The following ETV6 variants were observed in gnomAD, a reference collection of about 807,000 sequenced individuals.
The protein encoded by ETV6 is ETS variant transcription factor 6, also known as transcription factor ETV6.
In ETV6, 16 loss-of-function variants were observed where a neutral mutation model predicts 51.1. That is an observed-to-expected ratio of 0.31 (90% confidence interval 0.21 to 0.48). The LOEUF is 0.48. Ranked by LOEUF, ETV6 falls within the 20% of genes least tolerant of loss-of-function variation. The probability of loss-of-function intolerance (pLI) is 0.99; values close to 1 mark genes in which losing one functional copy is unlikely to be tolerated. For synonymous variants in ETV6, 240 were observed against 224.1 expected, an observed-to-expected ratio of 1.07 and a Z score of -0.64; for missense variants, 458 against 594.8, an observed-to-expected ratio of 0.77 and a Z score of 2.39.
Position 11,895,296 on chromosome 12 carries a change from AAAAC to A in ETV6, c.*4254_*4257del, listed in dbSNP as rs1290529533. On this transcript the variant is annotated 3_prime_UTR_variant, in exon 8 of 8. Transcript: ENST00000396373. Reference sequence around the variant, plus strand: ...AATGAATGTAACAAAAAAGAAAAAAAAAACAAAAAAAAATGCCTTTTCTCAGGGC... The same window carrying A: ...AATGAATGTAACAAAAAAGAAAAAAAAAAAAAAAATGCCTTTTCTCAGGGC... 1.1e-4 allele frequency: 25 copies of A among 232,612 alleles called. No individual in the cohort carries two copies. In the Admixed American group the frequency reaches 1.1e-3, roughly 11 times the overall value. The allele number at this position is 232,612 out of a possible 1,614,324, so 14.4% of individuals were successfully genotyped here. A position where few individuals can be genotyped will look rare whatever the true frequency, so the allele number is the denominator to read the frequency against.
chr12:11,804,425 C>T (rs1945797638), intron 2 of ETV6, among the ~76,000 whole-genome samples: 1 of 152,220 alleles, frequency 6.6e-6, no homozygotes, highest in Non-Finnish European at 1.5e-5. Flanking sequence ...CACCCTCATC[C>T]TCCATCACCT....
intron 2 of ETV6, among the ~76,000 whole-genome samples, chr12:11,777,569 G>A (rs1945348860): frequency 6.6e-6 from 1 of 151,938 alleles, no homozygotes; most frequent in Non-Finnish European, 1.5e-5. Context: ...GCAAATCTGG[G>A]CGTGCATTTT....
At position 11,874,732 on chromosome 12, in the gene ETV6, A is replaced by G. The variant is rs11612568; in HGVS notation, c.1009+4763A>G. Among the ~76,000 whole-genome samples, 607 of 150,400 alleles carry G rather than the reference A, an allele frequency of 4.0e-3. 12 individuals carry two copies. Among genetic ancestry groups the G allele is most frequent in the African/African-American group, 0.014 (584 of 41,006 alleles). On this transcript the variant is annotated intron_variant, in intron 5 of 7. Coordinates refer to ENST00000396373, the MANE Select transcript of ETV6 (RefSeq NM_001987.5). Reference sequence around the variant, plus strand: ...TATGTATATGTGTATATATATGTGTATATATATATGAAATTTTTCATAAAT... The same window carrying G: ...TATGTATATGTGTATATATATGTGTGTATATATATGAAATTTTTCATAAAT...
In ETV6 at chr12:11,752,491, G is replaced by A. The variant is rs776389717; in HGVS notation, c.75G>A (p.Pro25=). ...ATACACCTCCAGAGAGCCCAGTGCC[G>A]AGTTACGCTTCCTCGACGCCACTTC... is the stretch of plus-strand genomic sequence containing the variant. The part of the protein sequence containing the change: ...ISYTPPESPV[P]SYASSTPLHV... The change falls in exon 2 of 8, where the codon CCG becomes CCA. Residue 25 remains proline (P), a synonymous_variant. Coordinates refer to ENST00000396373, the MANE Select transcript of ETV6 (RefSeq NM_001987.5). 7.4e-6 allele frequency: 12 copies of A among 1,613,902 alleles called. No homozygotes were observed. The highest frequency in any genetic ancestry group is 1.6e-4 in the Middle Eastern group (1 of 6,062).
intron 1 of ETV6, among the ~76,000 whole-genome samples, chr12:11,698,608 T>A (rs1336385340): frequency 6.6e-6 from 1 of 150,510 alleles, no homozygotes; most frequent in Non-Finnish European, 1.5e-5. Flanking sequence ...CTTCAACAAC[T>A]AGCAAGGGAG....
chr12:11,770,931 TG>T (rs1356650075), intron 2 of ETV6, among the ~76,000 whole-genome samples: 1 of 152,076 alleles, frequency 6.6e-6, no homozygotes, highest in East Asian at 1.9e-4. Flanking sequence ...GCCTATGCAA[TG>T]GCTCTGAGGC....
intron 1 of ETV6, among the ~76,000 whole-genome samples, chr12:11,668,274 A>T (rs958029548): frequency 6.6e-6 from 1 of 152,232 alleles, no homozygotes; most frequent in Non-Finnish European, 1.5e-5. Flanking sequence ...TAAGAATGCA[A>T]TAACAAGTGC....
At chr12:11,813,518 T>A (rs1441061549) in intron 2 of ETV6, among the ~76,000 whole-genome samples, 1 of 152,204 alleles carries the variant, frequency 6.6e-6, no homozygotes, top group Non-Finnish European at 1.5e-5. Context: ...AGATTTCATG[T>A]TCTAATGAAA....
chr12:11,794,210 C>T (rs1945644250), intron 2 of ETV6, among the ~76,000 whole-genome samples: 1 of 152,152 alleles, frequency 6.6e-6, no homozygotes, highest in African/African-American at 2.4e-5. Flanking sequence ...TTAGTGTGGG[C>T]GTGAGGATAG....
intron 2 of ETV6, among the ~76,000 whole-genome samples, chr12:11,763,548 A>G (rs1221307410): frequency 6.6e-6 from 1 of 152,252 alleles, no homozygotes; most frequent in Admixed American, 6.5e-5. Context: ...TTTGGACCTT[A>G]TGAAAGAAAA....
Position 11,697,399 on chromosome 12 carries a change from A to G in ETV6, c.33+47239A>G, listed in dbSNP as rs11054418. Among the ~76,000 whole-genome samples the G allele has an allele frequency of 3.8e-3, 579 of 152,350 alleles. 3 individuals are homozygous for G. Among genetic ancestry groups the G allele is most frequent in the East Asian group, 0.011 (56 of 5,184 alleles). On this transcript the variant is annotated intron_variant, in intron 1 of 7. Transcript: ENST00000396373. ...AAGTTGAAAGGGAAGGTTAAGGGAG[A>G]AACATACTCCTCATCTCCGTTCTCA...
chr12:11,846,446 CT>C (rs1356081911), intron 3 of ETV6, among the ~76,000 whole-genome samples: 1 of 152,166 alleles, frequency 6.6e-6, no homozygotes, highest in Non-Finnish European at 1.5e-5. Flanking sequence ...GCAAAACCCC[CT>C]GGGAGAGGCT....
chr12:11,808,917 A>G (rs1199138046), intron 2 of ETV6, among the ~76,000 whole-genome samples: 1 of 152,200 alleles, frequency 6.6e-6, no homozygotes, highest in African/African-American at 2.4e-5. Flanking sequence ...TAATCCCAGC[A>G]CTTTGGGAGG....
In ETV6 at chr12:11,655,815, A is replaced by G. The variant is rs137954583; in HGVS notation, c.33+5655A>G. Among the ~76,000 whole-genome samples, 8 of 152,310 alleles carry G rather than the reference A, an allele frequency of 5.3e-5. No homozygotes were observed. The East Asian group carries it at 1.5e-3, about 29-fold the overall frequency. ...ATTAGAAAAGGTATTGCCCCGTGTTAAGTGTGGACTCTCAGATGAGCATAA... is the reference window on the plus strand; with the variant it reads ...ATTAGAAAAGGTATTGCCCCGTGTTGAGTGTGGACTCTCAGATGAGCATAA... On this transcript the variant is annotated intron_variant, in intron 1 of 7. Transcript: ENST00000396373.
chr12:11,831,313 C>T (rs1165934468), intron 2 of ETV6, among the ~76,000 whole-genome samples: 2 of 152,208 alleles, frequency 1.3e-5, no homozygotes, highest in African/African-American at 4.8e-5. Flanking sequence ...GCAAACTCCA[C>T]CTCTTGGGTT....
chr12:11,841,071 C>T (rs1946383987), intron 3 of ETV6, among the ~76,000 whole-genome samples: 1 of 152,222 alleles, frequency 6.6e-6, no homozygotes, highest in Non-Finnish European at 1.5e-5. Flanking sequence ...CTTGGGCAAG[C>T]TTTCCTCCCA....
At position 11,880,241 on chromosome 12, in the gene ETV6, C is replaced by T. The variant is rs547472369; in HGVS notation, c.1010-4204C>T. Among the ~76,000 whole-genome samples, 16 of 152,214 alleles carry T rather than the reference C, an allele frequency of 1.1e-4. No homozygotes were observed. In the South Asian group the frequency reaches 1.9e-3, roughly 18 times the overall value. ...TAATTCAATATGTCCTGAATGTCAACGTATTTTTATTACTCAGCTAAAGTT... is the reference window on the plus strand; with the variant it reads ...TAATTCAATATGTCCTGAATGTCAATGTATTTTTATTACTCAGCTAAAGTT... On this transcript the variant is annotated intron_variant, in intron 5 of 7. Coordinates refer to ENST00000396373, the MANE Select transcript of ETV6 (RefSeq NM_001987.5).
At chr12:11,827,334 A>G (rs1351160151) in intron 2 of ETV6, among the ~76,000 whole-genome samples, 5 of 152,138 alleles carry the variant, frequency 3.3e-5, no homozygotes, top group South Asian at 2.1e-4. Context: ...CTTTGAAAGC[A>G]CTTGGAAGCA....
At chr12:11,725,758 T>A (rs1211733105) in intron 1 of ETV6, among the ~76,000 whole-genome samples, 1 of 152,100 alleles carries the variant, frequency 6.6e-6, no homozygotes, top group Non-Finnish European at 1.5e-5. Flanking sequence ...AGCAGATTGC[T>A]AAAAAGAGCC....
Sources: allele counts gnomAD v4.1 joint callset (sites outside exome capture counted in the v4.1 genomes callset), GRCh38; gene constraint gnomAD v4.1.1; transcripts MANE v1.5; gene names NCBI Gene and HGNC (gene_info 2026-07-23, HGNC 2026-07-21).